The following TEKT1 variants were observed in gnomAD, a reference collection of about 807,000 sequenced individuals.
TEKT1 encodes the protein tektin-1.
TEKT1 carries 32 observed loss-of-function variants against 34.8 expected under a neutral mutation model. That is an observed-to-expected ratio of 0.92 (90% CI 0.69 to 1.23). The LOEUF (loss-of-function observed/expected upper bound fraction) is 1.23, where lower values mean the gene tolerates loss of function less well. TEKT1 is among the 50% of genes most tolerant of loss of function. TEKT1 has a pLI of 0.00. For missense variants in TEKT1, 492 were observed against 518.5 expected, an observed-to-expected ratio of 0.95 and a Z score of 0.50; for synonymous variants, 207 against 199.8, an observed-to-expected ratio of 1.04 and a Z score of -0.30.
intron 2 of TEKT1, among the ~76,000 whole-genome samples, chr17:6,825,591 A>C (rs911624747): frequency 1.3e-5 from 2 of 152,234 alleles, no homozygotes; most frequent in Non-Finnish European, 2.9e-5. Flanking sequence ...CTCAAGAAAC[A>C]GAATATAACT....
chr17:6,812,881 G>A lies in TEKT1; in HGVS notation c.802C>T (p.Leu268=). 6.2e-7 allele frequency: 1 copy of A among 1,614,130 alleles called. No individual in the cohort carries two copies. Among genetic ancestry groups the A allele is most frequent in the South Asian group, 1.1e-5 (1 of 91,080 alleles). Residue 268 remains leucine (L), a synonymous_variant, in exon 6 of 8, where the codon CTG becomes TTG. Transcript: ENST00000338694. ...TCCCTGGCATCCTTTGTATCCTTCAGCCCATTCTTGAATGCCGTGTCCACC... is the reference window on the plus strand; with the variant it reads ...TCCCTGGCATCCTTTGTATCCTTCAACCCATTCTTGAATGCCGTGTCCACC... ...DVVDTAFKNG[L]KDTKDARDKL... is the part of the protein sequence containing the mutation.
chr17:6,816,463 T>C (rs1318737745), intron 3 of TEKT1, among the ~76,000 whole-genome samples: 2 of 152,156 alleles, frequency 1.3e-5, no homozygotes, highest in African/African-American at 4.8e-5. Flanking sequence ...TTCCCACCTA[T>C]GAGTGAGAAC....
chr17:6,817,392 G>A (rs944425698), intron 3 of TEKT1, among the ~76,000 whole-genome samples: 1 of 151,896 alleles, frequency 6.6e-6, no homozygotes, highest in Non-Finnish European at 1.5e-5. Context: ...AATTTTAAAA[G>A]ATGTTTATAG....
In TEKT1 at chr17:6,825,702, T is replaced by C. The variant is rs192123969; in HGVS notation, c.190+4485A>G. On this transcript the variant is annotated intron_variant, in intron 2 of 7. Transcript: ENST00000338694. ...TTTATTTGGTTTGTTTTACTTTACA[T>C]AAATAGAATAATATGGCATGTACTC... Among the ~76,000 whole-genome samples, 108 of 152,356 alleles carry C rather than the reference T, an allele frequency of 7.1e-4. 2 individuals are homozygous for C. The East Asian group carries it at 0.01, about 14-fold the overall frequency.
intron 4 of TEKT1, 138 bp downstream of exon 4, chr17:6,815,695 TG>T: frequency 7.5e-7 from 1 of 1,328,592 alleles, no homozygotes; most frequent in Non-Finnish European, 1.0e-6. Context: ...CCCTGAGTGC[TG>T]GGGCAATCTG....
In TEKT1 at chr17:6,811,883, C is replaced by G. The variant is rs935723716; in HGVS notation, c.852+948G>C. 6.6e-6 allele frequency among the ~76,000 whole-genome samples: 1 copy of G among 152,062 alleles called. No homozygotes were observed. Among genetic ancestry groups the G allele is most frequent in the Non-Finnish European group, 1.5e-5 (1 of 68,014 alleles). ...CATCGACAAATTCTACAGGAAGGAC[C>G]CTAATCTGTAGAATTTGCCGATATC... On this transcript the variant is annotated intron_variant, in intron 6 of 7. Coordinates refer to ENST00000338694, the MANE Select transcript of TEKT1 (RefSeq NM_053285.2). The surrounding 1 kb of genome is among the most constrained non-coding windows in gnomAD (Gnocchi z 4.4).
intron 1 of TEKT1, among the ~76,000 whole-genome samples, chr17:6,831,439 C>T (rs1904571289): frequency 6.6e-6 from 1 of 152,148 alleles, no homozygotes; most frequent in African/African-American, 2.4e-5. Context: ...GGAGTTTCTC[C>T]GTTTCTTCCT....
chr17:6,800,958 T>C lies in TEKT1; in HGVS notation c.853-15A>G. On this transcript the variant is annotated splice_polypyrimidine_tract_variant and intron_variant, in intron 6 of 7. Coordinates refer to ENST00000338694, the MANE Select transcript of TEKT1 (RefSeq NM_053285.2). ...TCTTCCATGACCTTACAAAAAGGAT[T>C]AGAGTAGGTGAGGCCAAGCTGTGCT... 1 of 1,606,934 alleles carries C rather than the reference T, an allele frequency of 6.2e-7. No individual in the cohort carries two copies. The highest frequency in any genetic ancestry group is 8.5e-7 in the Non-Finnish European group (1 of 1,175,920).
chr17:6,825,827 G>A (rs35419685), intron 2 of TEKT1, among the ~76,000 whole-genome samples: 14,320 of 152,260 alleles, frequency 0.094, 733 homozygotes, highest in African/African-American at 0.15. Context: ...TTTGCTGTGA[G>A]GTATAGCATA....
chr17:6,826,196 T>C (rs536692289), intron 2 of TEKT1, among the ~76,000 whole-genome samples: 3 of 152,354 alleles, frequency 2.0e-5, no homozygotes, highest in Admixed American at 2.0e-4. Flanking sequence ...ATGTCCCTGA[T>C]GACTCATAAA....
intron 1 of TEKT1, among the ~76,000 whole-genome samples, chr17:6,830,612 C>A (rs1306315475): frequency 2.0e-5 from 3 of 152,054 alleles, no homozygotes; most frequent in Non-Finnish European, 2.9e-5. Context: ...TCAGGGTAAC[C>A]AGTATCCTGA....
At chr17:6,802,703 G>T (rs1036268604) in intron 6 of TEKT1, among the ~76,000 whole-genome samples, 3 of 143,924 alleles carry the variant, frequency 2.1e-5, no homozygotes, top group Non-Finnish European at 4.5e-5. Flanking sequence ...TCATTGTTCA[G>T]TTCCCACCTA....
rs1425671473 is a variant in TEKT1, at chr17:6,800,828, C to T, written c.968G>A (p.Arg323Gln). The T allele has an allele frequency of 2.6e-5, 42 of 1,614,062 alleles. No homozygotes were observed. Among genetic ancestry groups the T allele is most frequent in the Admixed American group, 5.0e-5 (3 of 59,998 alleles). ...AHTRLETRTHRPNVELCRDVA... is the reference protein window; with the variant it reads ...AHTRLETRTHQPNVELCRDVA... Reference sequence around the variant, plus strand: ...ATCACGACACAGCTCCACGTTCGGCCGGTGTGTCCTGGTCTCCAAGCGCGT... The same window carrying T: ...ATCACGACACAGCTCCACGTTCGGCTGGTGTGTCCTGGTCTCCAAGCGCGT... The change falls in exon 7 of 8, where the codon CGG (arginine) becomes CAG (glutamine). Residue 323 changes from arginine to glutamine, a missense_variant. Coordinates refer to ENST00000338694, the MANE Select transcript of TEKT1 (RefSeq NM_053285.2).
Position 6,815,158 on chromosome 17 carries a change from C to CT in TEKT1, c.629+4dup. 1 of 1,607,710 alleles carries CT rather than the reference C, an allele frequency of 6.2e-7. No individual in the cohort carries two copies. The highest frequency in any genetic ancestry group is 8.5e-7 in the Non-Finnish European group (1 of 1,176,540). On this transcript the variant is annotated splice_donor_region_variant and intron_variant, in intron 5 of 7. Coordinates refer to ENST00000338694, the MANE Select transcript of TEKT1 (RefSeq NM_053285.2). The stretch of plus-strand genomic sequence containing the variant: ...GCGAGGAGGAAGACGGCAAGGCCCA[C>CT]TCACTTTGGCTCAATCCTCACGGCG...
rs1447399248 is a variant in TEKT1 at position 6,831,641 on chromosome 17, T to C, written c.-18+8A>G. 1 of 151,770 alleles carries C rather than the reference T, an allele frequency of 6.6e-6. No individual in the cohort carries two copies. The highest frequency in any genetic ancestry group is 1.5e-5 in the Non-Finnish European group (1 of 68,006). The allele number at this position is 151,770 out of a possible 1,614,324, so 9.4% of individuals were successfully genotyped here. On this transcript the variant is annotated splice_region_variant and intron_variant, in intron 1 of 7. Coordinates refer to ENST00000338694, the MANE Select transcript of TEKT1 (RefSeq NM_053285.2). Reference sequence around the variant, plus strand: ...GGGGTCGGTGGGGTGGGGTCATGGTTTACTTACCTCAGCGCCACACAGAAC... The same window carrying C: ...GGGGTCGGTGGGGTGGGGTCATGGTCTACTTACCTCAGCGCCACACAGAAC...
chr17:6,819,388 C>T lies in TEKT1; in HGVS notation c.191-30G>A, dbSNP rs28429337. The T allele has an allele frequency of 9.8e-3, 15,633 of 1,589,890 alleles. 1,012 individuals carry two copies. In the African/African-American group the frequency reaches 0.16, roughly 16 times the overall value. On this transcript the variant is annotated intron_variant, in intron 2 of 7. Coordinates refer to ENST00000338694, the MANE Select transcript of TEKT1 (RefSeq NM_053285.2). The stretch of plus-strand genomic sequence containing the variant: ...AGCACACGGGGAAGTTACACCAGGG[C>T]TAATCTATCCCAAGGTAGCCAACAT...
intron 6 of TEKT1, among the ~76,000 whole-genome samples, chr17:6,809,799 G>A (rs755553034): frequency 6.6e-6 from 1 of 152,214 alleles, no homozygotes; most frequent in Non-Finnish European, 1.5e-5. Context: ...CGCATTTAAA[G>A]TTCCTCTATG....
Position 6,800,046 on chromosome 17 carries a change from CG to C in TEKT1, c.1237del (p.Arg413AlafsTer16). 6.2e-7 allele frequency: 1 copy of C among 1,609,322 alleles called. No individual in the cohort carries two copies. Among genetic ancestry groups the C allele is most frequent in the South Asian group, 1.1e-5 (1 of 90,962 alleles). On this transcript the variant is annotated frameshift_variant, in exon 8 of 8. Transcript: ENST00000338694. LOFTEE classifies it high-confidence loss of function. ...CTACTATTAGCAGACAGCATCAGGGCGGAGGCCCCCAGCCCAGACCCCATGG... is the reference window on the plus strand; with the variant it reads ...CTACTATTAGCAGACAGCATCAGGGCGAGGCCCCCAGCCCAGACCCCATGG... The part of the protein sequence containing the change: ...EDHGVWAGGL[R>X]PDAVC
Position 6,804,568 on chromosome 17 carries a change from G to A in TEKT1, c.853-3625C>T, listed in dbSNP as rs202018673. Among the ~76,000 whole-genome samples, 372 of 152,296 alleles carry A rather than the reference G, an allele frequency of 2.4e-3. 1 individual carries two copies. The highest frequency in any genetic ancestry group is 8.5e-3 in the African/African-American group (354 of 41,556). On this transcript the variant is annotated intron_variant, in intron 6 of 7. Coordinates refer to ENST00000338694, the MANE Select transcript of TEKT1 (RefSeq NM_053285.2). ...TTCAAAGGGAATGTTTCCAGTGTTT[G>A]CCCATTCAGTATGATATTGGCTGTG...
Sources: gnomAD v4.1 joint callset for allele counts (sites outside exome capture counted in the v4.1 genomes callset) on GRCh38, gnomAD v4.1.1 for gene constraint, Gnocchi (gnomAD v3.1) non-coding constraint, MANE v1.5 for transcripts, NCBI Gene and HGNC (gene_info 2026-07-23, HGNC 2026-07-21) for gene names.